The following ZNF609 variants were observed in gnomAD, a reference collection of about 807,000 sequenced individuals.
ZNF609 encodes the protein zinc finger protein 609.
In ZNF609, 11 loss-of-function variants were observed where a neutral mutation model predicts 109.5. That is an observed-to-expected ratio of 0.10 (90% confidence interval 0.06 to 0.17). ZNF609 has a LOEUF of 0.17. Ranked by LOEUF, ZNF609 falls within the 10% of genes least tolerant of loss-of-function variation. ZNF609 has a pLI of 1.00. For synonymous variants in ZNF609, 646 were observed against 662.0 expected, an observed-to-expected ratio of 0.98 and a Z score of 0.37; for missense variants, 1,559 against 1,772.4, an observed-to-expected ratio of 0.88 and a Z score of 2.16.
chr15:64,508,199 T>C lies in ZNF609; in HGVS notation c.747+8033T>C, dbSNP rs1893663878. Among the ~76,000 whole-genome samples, 3 of 152,128 alleles carry C rather than the reference T, an allele frequency of 2.0e-5. No homozygotes were observed. The South Asian group carries it at 6.2e-4, about 31-fold the overall frequency. On this transcript the variant is annotated intron_variant, in intron 2 of 9. Transcript: ENST00000326648. ...CTGTTCACAGGGCAAAGTTCTATTA[T>C]ATTTTAAGAGCCCATCCTTGTTTTG...
At chr15:64,644,954 C>T (rs538851172) in intron 3 of ZNF609, among the ~76,000 whole-genome samples, 82 of 149,092 alleles carry the variant, frequency 5.5e-4, no homozygotes, top group Non-Finnish European at 1.0e-3. Context: ...TTTTCTCTCT[C>T]TTTCTTTTCT....
In ZNF609 at chr15:64,625,099, AC is replaced by A; in HGVS notation, c.973+2048del. Among the ~76,000 whole-genome samples, 3 of 152,158 alleles carry A rather than the reference AC, an allele frequency of 2.0e-5. No homozygotes were observed. In the East Asian group the frequency reaches 5.8e-4, roughly 29 times the overall value. ...GGTACTCTATACTTTATTTCATAGC[AC>A]ACATCACAGTTTGCAACTTTGTTTA... On this transcript the variant is annotated intron_variant, in intron 3 of 9. Coordinates refer to ENST00000326648, the MANE Select transcript of ZNF609 (RefSeq NM_015042.2).
Position 64,685,531 on chromosome 15 carries a change from CCT to C in ZNF609, c.*3850_*3851del, listed in dbSNP as rs1264079399. Reference sequence around the variant, plus strand: ...AGCTTTACTCTGTGCCCTGGCCTCCCCTCTCTTCACCTTTAGATTTCCATTCA... The same window carrying C: ...AGCTTTACTCTGTGCCCTGGCCTCCCCTCTTCACCTTTAGATTTCCATTCA... On this transcript the variant is annotated 3_prime_UTR_variant, in exon 10 of 10. Coordinates refer to ENST00000326648, the MANE Select transcript of ZNF609 (RefSeq NM_015042.2). 6.5e-6 allele frequency: 1 copy of C among 152,768 alleles called. No individual in the cohort carries two copies. Among genetic ancestry groups the C allele is most frequent in the Non-Finnish European group, 1.5e-5 (1 of 68,160 alleles). The allele number at this position is 152,768 out of a possible 1,614,324, so 9.5% of individuals were successfully genotyped here. A position where few individuals can be genotyped will look rare whatever the true frequency, so the allele number is the denominator to read the frequency against.
chr15:64,573,288 T>A (rs1894889078), intron 2 of ZNF609, among the ~76,000 whole-genome samples: 1 of 150,628 alleles, frequency 6.6e-6, no homozygotes, highest in South Asian at 2.1e-4. Context: ...TAAATCATAA[T>A]CTGTATTTTC....
chr15:64,513,244 A>G (rs959179989), intron 2 of ZNF609, among the ~76,000 whole-genome samples: 22 of 152,196 alleles, frequency 1.4e-4, no homozygotes, highest in African/African-American at 5.3e-4. Flanking sequence ...GTGACTACAC[A>G]TTTATATACA....
chr15:64,610,715 G>A (rs1213338614), intron 2 of ZNF609, among the ~76,000 whole-genome samples: 2 of 152,064 alleles, frequency 1.3e-5, no homozygotes, highest in African/African-American at 4.8e-5. Flanking sequence ...CTTATAGCAG[G>A]GAGAATCATC....
At chr15:64,570,807 C>T (rs982534746) in intron 2 of ZNF609, among the ~76,000 whole-genome samples, 4 of 152,120 alleles carry the variant, frequency 2.6e-5, no homozygotes, top group Non-Finnish European at 4.4e-5. Context: ...AGGTGGATCA[C>T]CTGAGGTCAG....
At chr15:64,466,370 C>T (rs1893015397) in intron 1 of ZNF609, among the ~76,000 whole-genome samples, 1 of 152,176 alleles carries the variant, frequency 6.6e-6, no homozygotes, top group Non-Finnish European at 1.5e-5. Context: ...ATTAGGCCAA[C>T]AGGTTGTGTG....
Position 64,676,250 on chromosome 15 carries a change from C to T in ZNF609, c.3396C>T (p.Tyr1132=). 3 of 1,599,706 alleles carry T rather than the reference C, an allele frequency of 1.9e-6. No individual in the cohort carries two copies. The South Asian group carries it at 3.4e-5, about 18-fold the overall frequency. ...RQAEMDPILW[Y]RQEAEPRMWT... ...CAGAGATGGATCCAATACTCTGGTA[C>T]CGACAGGTAACTGTTGCCCTGGGAG... Residue 1132 remains tyrosine (Y), a synonymous_variant, in exon 5 of 10, where the codon TAC becomes TAT. Coordinates refer to ENST00000326648, the MANE Select transcript of ZNF609 (RefSeq NM_015042.2).
chr15:64,564,843 G>GTT (rs751830681), intron 2 of ZNF609, among the ~76,000 whole-genome samples: 1 of 138,534 alleles, frequency 7.2e-6, no homozygotes. Flanking sequence ...CTCACTAACT[G>GTT]TTTTTTTTTT....
chr15:64,545,390 G>A (rs371818150), intron 2 of ZNF609, among the ~76,000 whole-genome samples: 14 of 152,144 alleles, frequency 9.2e-5, no homozygotes, highest in South Asian at 6.2e-4. Flanking sequence ...GTAGAGATGG[G>A]GTTTCACCGT....
upstream of ZNF609, among the ~76,000 whole-genome samples, chr15:64,460,194 T>C (rs1277891483): frequency 6.6e-6 from 1 of 152,082 alleles, no homozygotes; most frequent in African/African-American, 2.4e-5. Context: ...GGCCCTTTCC[T>C]CTCTGTGGTT....
chr15:64,670,192 A>G (rs771868969), intron 3 of ZNF609, among the ~76,000 whole-genome samples, 154 bp from the exon 4 acceptor site: 3 of 152,218 alleles, frequency 2.0e-5, no homozygotes, highest in African/African-American at 7.2e-5. Context: ...GGCAATTCCT[A>G]TGGAACTATT....
chr15:64,548,865 G>C (rs978137655), intron 2 of ZNF609, among the ~76,000 whole-genome samples: 2 of 152,134 alleles, frequency 1.3e-5, no homozygotes, highest in Non-Finnish European at 2.9e-5. Flanking sequence ...TACTTGAGAT[G>C]AAATATTCAA....
At chr15:64,621,245 T>C (rs1895871059) in intron 2 of ZNF609, among the ~76,000 whole-genome samples, 1 of 152,246 alleles carries the variant, frequency 6.6e-6, no homozygotes, top group Admixed American at 6.5e-5. Flanking sequence ...CAAGACGTTA[T>C]GCTCATTCAG....
intron 2 of ZNF609, 183 bp downstream of exon 2, chr15:64,500,349 A>G: frequency 2.3e-6 from 2 of 859,774 alleles, no homozygotes; most frequent in South Asian, 1.4e-5. Flanking sequence ...TCCCCTACAG[A>G]CTCATTTACA....
chr15:64,665,448 C>G (rs1896631609), intron 3 of ZNF609, among the ~76,000 whole-genome samples: 4 of 152,136 alleles, frequency 2.6e-5, no homozygotes, highest in Admixed American at 2.0e-4. Flanking sequence ...TTATGGCCTG[C>G]CTTCCTCAAA....
chr15:64,673,650 G>A (rs1340688218), intron 4 of ZNF609, among the ~76,000 whole-genome samples: 1 of 152,144 alleles, frequency 6.6e-6, no homozygotes, highest in Non-Finnish European at 1.5e-5. Context: ...CCATGACTAT[G>A]GCTGTATATA....
chr15:64,499,221 G>T, intron 1 of ZNF609, 72 bp from the exon 2 acceptor site: 1 of 612,938 alleles, frequency 1.6e-6, no homozygotes, highest in East Asian at 2.9e-5. Context: ...CTGTTTTTGT[G>T]TGGGAGTTTA....
Sources: gnomAD v4.1 joint callset for allele counts (sites outside exome capture counted in the v4.1 genomes callset) on GRCh38, gnomAD v4.1.1 for gene constraint, MANE v1.5 for transcripts, NCBI Gene and HGNC (gene_info 2026-07-23, HGNC 2026-07-21) for gene names.